SMU1: variants seen among roughly 807,000 people sequenced by gnomAD.
SMU1 encodes the protein SMU1 DNA replication regulator and spliceosomal factor.
A neutral mutation model predicts 62.0 loss-of-function variants in SMU1; 2 were observed. The observed-to-expected ratio is 0.03, with a 90% CI of 0.01 to 0.10. The LOEUF is 0.10. SMU1 is among the 10% of genes least tolerant of loss of function. The probability of loss-of-function intolerance (pLI) is 1.00; values close to 1 mark genes in which losing one functional copy is unlikely to be tolerated. For missense variants in SMU1, 227 were observed against 622.1 expected (o/e 0.36, Z 6.76); for synonymous variants, 188 against 212.4 (o/e 0.89, Z 1.00).
At chr9:33,064,813 G>C (rs965632789) in intron 4 of SMU1, among the ~76,000 whole-genome samples, 5 of 151,804 alleles carry the variant, frequency 3.3e-5, no homozygotes, top group Middle Eastern at 3.4e-3. Context: ...CGCGATCTTG[G>C]CTCACTGCAA....
rs1839145999 is a variant in SMU1, at chr9:33,043,300, C to CT, written c.*3992dup. 1 of 152,216 alleles carries CT rather than the reference C, an allele frequency of 6.6e-6. No homozygotes were observed. Among genetic ancestry groups the CT allele is most frequent in the Non-Finnish European group, 1.5e-5 (1 of 68,038 alleles). 9.4% of individuals were successfully genotyped at this position (152,216 alleles called of 1,614,324 possible). A position where few individuals can be genotyped will look rare whatever the true frequency, so the allele number is the denominator to read the frequency against. On this transcript the variant is annotated 3_prime_UTR_variant, in exon 12 of 12. Transcript: ENST00000397149. ...AAAAAATGTGATTTTAAGAGTCAGT[C>CT]TTGCACCTTTATCATTTAAATTTGG...
At chr9:33,063,630 C>A (rs781287096) in intron 4 of SMU1, among the ~76,000 whole-genome samples, 19 of 152,008 alleles carry the variant, frequency 1.2e-4, no homozygotes, top group Non-Finnish European at 2.4e-4. Flanking sequence ...ACAGTCTGAG[C>A]TCCACCTCCT....
chr9:33,062,706 G>A (rs1839376715), intron 4 of SMU1, among the ~76,000 whole-genome samples: 1 of 151,922 alleles, frequency 6.6e-6, no homozygotes, highest in African/African-American at 2.4e-5. Context: ...ATATATTAGT[G>A]GACATTTACA....
At chr9:33,056,024 A>C in intron 9 of SMU1, 89 bp downstream of exon 9, 2 of 1,341,832 alleles carry the variant, frequency 1.5e-6, no homozygotes, top group Non-Finnish European at 2.0e-6. Flanking sequence ...TTACTACAGC[A>C]CAATCATTCC....
intron 6 of SMU1, among the ~76,000 whole-genome samples, chr9:33,059,072 T>C (rs889031636): frequency 3.3e-5 from 5 of 152,142 alleles, no homozygotes; most frequent in East Asian, 1.9e-4. Flanking sequence ...ATAAGAGAAA[T>C]AGAATTAGTA....
chr9:33,054,771 T>G, intron 9 of SMU1, among the ~76,000 whole-genome samples: 1 of 152,182 alleles, frequency 6.6e-6, no homozygotes, highest in East Asian at 1.9e-4. Flanking sequence ...GAGAAAACAG[T>G]TGCCCTGGTG....
Position 33,059,451 on chromosome 9 carries a change from T to C in SMU1, c.750+1014A>G, listed in dbSNP as rs147096626. Reference sequence around the variant, plus strand: ...TATAACCCCTTGAAAAAAAAATTTGTTTTTTGCACGTCCCTGTAATCCCAG... The same window carrying C: ...TATAACCCCTTGAAAAAAAAATTTGCTTTTTGCACGTCCCTGTAATCCCAG... On this transcript the variant is annotated intron_variant, in intron 6 of 11. Coordinates refer to ENST00000397149, the MANE Select transcript of SMU1 (RefSeq NM_018225.3). Among the ~76,000 whole-genome samples the C allele has an allele frequency of 2.0e-3, 310 of 151,384 alleles. 2 individuals carry two copies. The highest frequency in any genetic ancestry group is 7.3e-3 in the African/African-American group (301 of 41,304).
intron 6 of SMU1, 37 bp from the exon 7 acceptor site, chr9:33,057,751 C>CA (rs1839318473): frequency 1.2e-6 from 2 of 1,610,682 alleles, no homozygotes; most frequent in Non-Finnish European, 1.7e-6. Context: ...CAAAATAACA[C>CA]AAAGCCAAGA....
At chr9:33,066,141 A>C (rs1839416841) in intron 4 of SMU1, among the ~76,000 whole-genome samples, 1 of 152,060 alleles carries the variant, frequency 6.6e-6, no homozygotes, top group Admixed American at 6.6e-5. Context: ...CAACCACCCA[A>C]CCTGACATAC....
chr9:33,047,411 G>A lies in SMU1; in HGVS notation c.1444-20C>T, dbSNP rs538367314. Reference sequence around the variant, plus strand: ...GTGCACCTGGAACATGTAAAGCACAGGGTTAGGATGTACAGATCTGCAATA... The same window carrying A: ...GTGCACCTGGAACATGTAAAGCACAAGGTTAGGATGTACAGATCTGCAATA... On this transcript the variant is annotated intron_variant, in intron 11 of 11. Coordinates refer to ENST00000397149, the MANE Select transcript of SMU1 (RefSeq NM_018225.3). 1 of 1,600,562 alleles carries A rather than the reference G, an allele frequency of 6.2e-7. No individual in the cohort carries two copies. Among genetic ancestry groups the A allele is most frequent in the Non-Finnish European group, 8.5e-7 (1 of 1,169,682 alleles).
rs574113854 is a variant in SMU1 at position 33,049,253 on chromosome 9, G to A, written c.1291-995C>T. Among the ~76,000 whole-genome samples the A allele has an allele frequency of 6.0e-4, 91 of 152,332 alleles. 1 individual carries two copies. Among genetic ancestry groups the A allele is most frequent in the Non-Finnish European group, 2.2e-4 (15 of 68,028 alleles). ...AATCTACAGTAATGAAGACAGTGTG[G>A]TATTGGATCAATGGAACAGGATACA... is the stretch of plus-strand genomic sequence containing the variant. On this transcript the variant is annotated intron_variant, in intron 10 of 11. Transcript: ENST00000397149.
chr9:33,073,921 G>T, intron 1 of SMU1, 115 bp from the exon 2 acceptor site: 1 of 1,004,208 alleles, frequency 1.0e-6, no homozygotes, highest in Non-Finnish European at 1.4e-6. Context: ...TTTATCATGT[G>T]AGTAAAATTT....
At chr9:33,071,217 C>T (rs1455527447) in intron 3 of SMU1, among the ~76,000 whole-genome samples, 3 of 151,294 alleles carry the variant, frequency 2.0e-5, no homozygotes, top group East Asian at 3.9e-4. Flanking sequence ...GGGGGGTGGG[C>T]AGGAAGAATG....
At chr9:33,052,716 C>G (rs1839263682) in intron 10 of SMU1, among the ~76,000 whole-genome samples, 2 of 152,262 alleles carry the variant, frequency 1.3e-5, no homozygotes, top group East Asian at 3.8e-4. Flanking sequence ...ACCGAGGACA[C>G]TGCTGCTGCC....
Position 33,073,623 on chromosome 9 carries a change from G to A in SMU1, c.210C>T (p.Asp70=). ...LQAIQSLKLP[D]KTLIDLYEQV... Reference sequence around the variant, plus strand: ...GTTCATAGAGGTCAATGAGGGTTTTGTCTGGCAATTTCAGAGACTGTATAG... The same window carrying A: ...GTTCATAGAGGTCAATGAGGGTTTTATCTGGCAATTTCAGAGACTGTATAG... Residue 70 remains aspartate, a synonymous_variant, in exon 2 of 12, where the codon GAC becomes GAT. Coordinates refer to ENST00000397149, the MANE Select transcript of SMU1 (RefSeq NM_018225.3). The A allele has an allele frequency of 6.2e-7, 1 of 1,612,212 alleles. No individual in the cohort carries two copies. Among genetic ancestry groups the A allele is most frequent in the Non-Finnish European group, 8.5e-7 (1 of 1,179,756 alleles).
At chr9:33,071,155 T>A (rs182636130) in intron 3 of SMU1, among the ~76,000 whole-genome samples, 1,868 of 152,078 alleles carry the variant, frequency 0.012, 24 homozygotes, top group South Asian at 0.021. Context: ...CCATAAAAAA[T>A]TTTTTTTAAT....
Position 33,055,441 on chromosome 9 carries a change from C to T in SMU1, c.1122+672G>A, listed in dbSNP as rs373294851. ...TAGATCTTCTGCCACAAAGTACTCACTCATATAAGACAATTCAAAAAGATT... is the reference window on the plus strand; with the variant it reads ...TAGATCTTCTGCCACAAAGTACTCATTCATATAAGACAATTCAAAAAGATT... On this transcript the variant is annotated intron_variant, in intron 9 of 11. Coordinates refer to ENST00000397149, the MANE Select transcript of SMU1 (RefSeq NM_018225.3). Among the ~76,000 whole-genome samples, 8 of 152,188 alleles carry T rather than the reference C, an allele frequency of 5.3e-5. No individual in the cohort carries two copies. In the East Asian group the frequency reaches 9.6e-4, roughly 18 times the overall value.
intron 9 of SMU1, among the ~76,000 whole-genome samples, chr9:33,055,216 G>A (rs1389908136): frequency 1.3e-5 from 2 of 151,952 alleles, no homozygotes; most frequent in Non-Finnish European, 2.9e-5. Context: ...TTGCTCTGTT[G>A]CCCAGGCTGA....
chr9:33,068,720 G>T, intron 4 of SMU1, 104 bp downstream of exon 4: 1 of 1,322,178 alleles, frequency 7.6e-7, no homozygotes, highest in Non-Finnish European at 1.0e-6. Flanking sequence ...GCTTAGGCTG[G>T]TCTCCAACTA....
Sources: allele counts gnomAD v4.1 joint callset (sites outside exome capture counted in the v4.1 genomes callset), GRCh38; gene constraint gnomAD v4.1.1; transcripts MANE v1.5; gene names NCBI Gene and HGNC (gene_info 2026-07-23, HGNC 2026-07-21).